SNX29: variants seen among roughly 807,000 people sequenced by gnomAD.
SNX29 encodes the protein sorting nexin 29.
Under a neutral mutation model 102.1 loss-of-function variants are expected in SNX29, and 78 were observed. That is an observed-to-expected ratio of 0.76 (90% CI 0.64 to 0.92). The LOEUF (loss-of-function observed/expected upper bound fraction) is 0.92, where lower values mean the gene tolerates loss of function less well. Among genes scored for constraint, SNX29 ranks in the 40% least tolerant of loss-of-function variants. SNX29 has a pLI of 0.00. For synonymous variants in SNX29, 580 were observed against 414.5 expected (o/e 1.40, Z -4.85); for missense variants, 1,280 against 1,061.7 (o/e 1.21, Z -2.86).
intron 13 of SNX29, among the ~76,000 whole-genome samples, chr16:12,160,005 C>G (rs2141657701): frequency 6.6e-6 from 1 of 152,340 alleles, no homozygotes; most frequent in East Asian, 1.9e-4. Context: ...TCTCTGGGAA[C>G]TCTAAGTAAG....
intron 1 of SNX29, among the ~76,000 whole-genome samples, chr16:11,998,993 G>A (rs980749042): frequency 5.3e-5 from 8 of 152,212 alleles, no homozygotes; most frequent in Admixed American, 4.6e-4. Context: ...GGGTTTGTGT[G>A]TGCTAATGCC....
intron 3 of SNX29, among the ~76,000 whole-genome samples, chr16:12,019,629 G>GAT (rs1392480863): frequency 8.8e-5 from 12 of 136,566 alleles, no homozygotes; most frequent in African/African-American, 3.3e-4. Context: ...GATAGATATA[G>GAT]ATATATAATT....
At chr16:12,552,677 G>C (rs138851447) in intron 20 of SNX29, among the ~76,000 whole-genome samples, 1 of 152,212 alleles carries the variant, frequency 6.6e-6, no homozygotes, top group Admixed American at 6.5e-5. Context: ...CATGCAGGGC[G>C]TTTACAAGGG....
intron 13 of SNX29, among the ~76,000 whole-genome samples, chr16:12,149,026 A>G (rs968940472): frequency 6.6e-6 from 1 of 152,172 alleles, no homozygotes; most frequent in Non-Finnish European, 1.5e-5. Flanking sequence ...TAGTTCACCG[A>G]TAGATCTATT....
intron 14 of SNX29, among the ~76,000 whole-genome samples, chr16:12,244,966 T>C (rs1470138439): frequency 6.6e-6 from 1 of 152,228 alleles, no homozygotes; most frequent in African/African-American, 2.4e-5. Context: ...AATTATAATA[T>C]TTGTTTGATG....
chr16:12,293,272 A>G (rs746987170), intron 15 of SNX29, among the ~76,000 whole-genome samples: 6 of 152,096 alleles, frequency 3.9e-5, no homozygotes, highest in Admixed American at 1.3e-4. Context: ...TTTAATCTTC[A>G]CGACAACCTT....
intron 13 of SNX29, among the ~76,000 whole-genome samples, chr16:12,178,307 G>C (rs2076306401): frequency 6.6e-6 from 1 of 152,116 alleles, no homozygotes; most frequent in South Asian, 2.1e-4. Flanking sequence ...GGTTATGTTG[G>C]AAGGGCGCCG....
At chr16:12,489,661 C>A (rs1055951292) in intron 19 of SNX29, among the ~76,000 whole-genome samples, 1 of 152,200 alleles carries the variant, frequency 6.6e-6, no homozygotes, top group Admixed American at 6.5e-5. Flanking sequence ...AGCATAAAAA[C>A]CAGGTCTACA....
At chr16:12,380,478 C>CCAT (rs2083044771) in intron 16 of SNX29, among the ~76,000 whole-genome samples, 1 of 112,436 alleles carries the variant, frequency 8.9e-6, no homozygotes, top group Non-Finnish European at 1.9e-5. Context: ...CATCCATCCA[C>CCAT]CCACCCACCA....
intron 16 of SNX29, among the ~76,000 whole-genome samples, chr16:12,363,651 G>T (rs759469799): frequency 6.6e-6 from 1 of 152,208 alleles, no homozygotes; most frequent in African/African-American, 2.4e-5. Flanking sequence ...TTTGCTACAT[G>T]ATGACTTCAT....
rs531598772 is a variant in SNX29 at position 12,221,384 on chromosome 16, G to A, written c.1678+21701G>A. Among the ~76,000 whole-genome samples, 23 of 152,322 alleles carry A rather than the reference G, an allele frequency of 1.5e-4. 1 individual carries two copies. In the South Asian group the frequency reaches 4.4e-3, roughly 29 times the overall value. ...AATCCCAGCACTTCGGGAGGCCGAGGTGGGTGGATTACCTGAGGTCAGGAG... is the reference window on the plus strand; with the variant it reads ...AATCCCAGCACTTCGGGAGGCCGAGATGGGTGGATTACCTGAGGTCAGGAG... On this transcript the variant is annotated intron_variant, in intron 14 of 20. Transcript: ENST00000566228.
intron 18 of SNX29, among the ~76,000 whole-genome samples, chr16:12,462,758 C>T (rs1336785022): frequency 6.6e-6 from 1 of 152,202 alleles, no homozygotes; most frequent in Non-Finnish European, 1.5e-5. Flanking sequence ...AAGAGAGAAG[C>T]AGAAGCCTGC....
At chr16:12,289,545 A>G (rs1425490069) in intron 15 of SNX29, among the ~76,000 whole-genome samples, 1 of 151,506 alleles carries the variant, frequency 6.6e-6, no homozygotes, top group Non-Finnish European at 1.5e-5. Context: ...CTGTTTCTCC[A>G]CCCCATGTGT....
chr16:12,563,234 C>A (rs147010085), intron 20 of SNX29, among the ~76,000 whole-genome samples: 7 of 152,126 alleles, frequency 4.6e-5, no homozygotes, highest in Non-Finnish European at 8.8e-5. Flanking sequence ...AAAGTGGCCT[C>A]CCCATCATCA....
chr16:12,216,602 G>C (rs887424292), intron 14 of SNX29, among the ~76,000 whole-genome samples: 1 of 152,136 alleles, frequency 6.6e-6, no homozygotes, highest in Non-Finnish European at 1.5e-5. Context: ...GCCTGTACTG[G>C]GAAGCCTTAT....
chr16:12,272,041 G>A (rs2079105905), intron 14 of SNX29, among the ~76,000 whole-genome samples: 1 of 152,162 alleles, frequency 6.6e-6, no homozygotes, highest in Non-Finnish European at 1.5e-5. Flanking sequence ...ACTGAACCAG[G>A]GCAGCAAGGA....
At chr16:12,478,005 C>A in intron 19 of SNX29, 146 bp downstream of exon 19, 1 of 961,288 alleles carries the variant, frequency 1.0e-6, no homozygotes, top group Non-Finnish European at 1.5e-6. Context: ...AAAGAAATAG[C>A]CATTCATAAT....
chr16:12,152,212 C>T (rs759845899), intron 13 of SNX29, among the ~76,000 whole-genome samples: 14 of 151,778 alleles, frequency 9.2e-5, no homozygotes, highest in Non-Finnish European at 1.9e-4. Context: ...CAAAGCAAGA[C>T]CCTATCTTAA....
At chr16:12,341,015 A>G (rs900088890) in intron 15 of SNX29, among the ~76,000 whole-genome samples, 1 of 152,204 alleles carries the variant, frequency 6.6e-6, no homozygotes, top group African/African-American at 2.4e-5. Flanking sequence ...TAGAATGGGC[A>G]TAATGCCTTG....
Sources: gnomAD v4.1 joint callset for allele counts (sites outside exome capture counted in the v4.1 genomes callset) on GRCh38, gnomAD v4.1.1 for gene constraint, MANE v1.5 for transcripts, NCBI Gene and HGNC (gene_info 2026-07-23, HGNC 2026-07-21) for gene names.